Variants in RDX observed in about 807,000 individuals in gnomAD.
RDX encodes deafness, autosomal recessive 24.
RDX carries 32 observed loss-of-function variants against 83.7 expected under a neutral mutation model. That is an observed-to-expected ratio of 0.38 (90% CI 0.29 to 0.51). RDX has a LOEUF of 0.51. Ranked by LOEUF, RDX falls within the 20% of genes least tolerant of loss-of-function variation. The probability of loss-of-function intolerance (pLI) is 0.87; values close to 1 mark genes in which losing one functional copy is unlikely to be tolerated. For synonymous variants in RDX, 229 were observed against 222.7 expected, an observed-to-expected ratio of 1.03 and a Z score of -0.25; for missense variants, 600 against 689.9, an observed-to-expected ratio of 0.87 and a Z score of 1.46.
chr11:110,221,864 G>A (rs531642175), intron 14 of RDX, among the ~76,000 whole-genome samples: 1 of 151,858 alleles, frequency 6.6e-6, no homozygotes, highest in Non-Finnish European at 1.5e-5. Flanking sequence ...ACCTCAATTT[G>A]AGTCCAGGAC....
chr11:110,198,473 G>A (rs1405214906), intron 15 of RDX, among the ~76,000 whole-genome samples: 1 of 152,212 alleles, frequency 6.6e-6, no homozygotes, highest in African/African-American at 2.4e-5. Flanking sequence ...TGGCCTGTTA[G>A]GAACTGGGTG....
At chr11:110,197,222 G>A (rs993429174) in intron 15 of RDX, among the ~76,000 whole-genome samples, 4 of 150,992 alleles carry the variant, frequency 2.6e-5, no homozygotes, top group Non-Finnish European at 2.9e-5. Flanking sequence ...TAGATGTCAC[G>A]TTTAATTCCT....
At chr11:110,284,039 CA>C (rs1295060403) in intron 1 of RDX, among the ~76,000 whole-genome samples, 19 of 152,204 alleles carry the variant, frequency 1.2e-4, no homozygotes, top group Non-Finnish European at 2.5e-4. Flanking sequence ...ATTAAAACTA[CA>C]AATGTTTTAC....
intron 1 of RDX, among the ~76,000 whole-genome samples, chr11:110,285,339 C>T (rs560956472): frequency 7.2e-5 from 11 of 152,044 alleles, no homozygotes; most frequent in Non-Finnish European, 1.5e-4. Context: ...GAGCCAAGAT[C>T]GCGCCACTGC....
At chr11:110,283,110 A>T (rs1860830806) in intron 1 of RDX, among the ~76,000 whole-genome samples, 1 of 152,246 alleles carries the variant, frequency 6.6e-6, no homozygotes, top group Non-Finnish European at 1.5e-5. Context: ...TTAAAATGAA[A>T]TCTGTAAACT....
At chr11:110,249,849 G>GT (rs1391288095) in intron 9 of RDX, among the ~76,000 whole-genome samples, 1 of 152,108 alleles carries the variant, frequency 6.6e-6, no homozygotes, top group Non-Finnish European at 1.5e-5. Flanking sequence ...GCCCCAGCCT[G>GT]GCAGGCAACT....
rs373373063 is a variant in RDX at position 110,218,361 on chromosome 11, A to T, written c.1748+13512T>A. ...GTTTACATTTTAAACATCGTAATAG[A>T]TTTTTTTCCCCATGTGGCACTGGTG... On this transcript the variant is annotated intron_variant, in intron 14 of 15. Transcript: ENST00000528498. Among the ~76,000 whole-genome samples, 10 of 152,096 alleles carry T rather than the reference A, an allele frequency of 6.6e-5. 1 individual carries two copies. Among genetic ancestry groups the T allele is most frequent in the African/African-American group, 2.2e-4 (9 of 41,500 alleles).
At chr11:110,220,449 G>A (rs187270113) in intron 14 of RDX, among the ~76,000 whole-genome samples, 2 of 152,222 alleles carry the variant, frequency 1.3e-5, no homozygotes, top group Admixed American at 6.5e-5. Context: ...ATTCAAACCC[G>A]AGGTGGGAAT....
chr11:110,211,679 C>G (rs2134257132), intron 14 of RDX, among the ~76,000 whole-genome samples: 1 of 143,260 alleles, frequency 7.0e-6, no homozygotes, highest in Admixed American at 7.0e-5. Context: ...GATTAAGAAT[C>G]TCACTCAAAA....
chr11:110,283,685 C>A (rs1860857599), intron 1 of RDX, among the ~76,000 whole-genome samples: 1 of 151,704 alleles, frequency 6.6e-6, no homozygotes. Context: ...CATAGCAAGA[C>A]CCCGTCTCTA....
downstream of RDX, among the ~76,000 whole-genome samples, chr11:110,228,481 T>C (rs1397721748): frequency 6.6e-6 from 1 of 152,088 alleles, no homozygotes; most frequent in Non-Finnish European, 1.5e-5. Context: ...TCTCTTATTC[T>C]TACTAATGGT....
chr11:110,264,086 T>A lies in RDX; in HGVS notation c.341A>T (p.Glu114Val). 1 of 1,613,980 alleles carries A rather than the reference T, an allele frequency of 6.2e-7. No homozygotes were observed. The highest frequency in any genetic ancestry group is 8.5e-7 in the Non-Finnish European group (1 of 1,179,878). ...TGCAGTTTCTGGCGGGCAATATATC[T>A]CATCATTTAAGATGGCTTCTTTAAC... ...LQVKEAILND[E>V]IYCPPETAVL... Residue 114 changes from glutamate (E) to valine (V), a missense_variant, in exon 5 of 14, where the codon GAG becomes GTG. By Grantham distance (121) the Glu-to-Val change is moderately radical (BLOSUM62 -2). Transcript: ENST00000645495.
intron 10 of RDX, among the ~76,000 whole-genome samples, chr11:110,245,719 A>ATTGCT (rs1444224087): frequency 6.6e-6 from 1 of 152,172 alleles, no homozygotes; most frequent in East Asian, 1.9e-4. Flanking sequence ...TATTTAATAT[A>ATTGCT]TTGCTTTGTC....
intron 15 of RDX, among the ~76,000 whole-genome samples, chr11:110,197,910 T>C (rs1011703871): frequency 6.6e-6 from 1 of 152,204 alleles, no homozygotes; most frequent in African/African-American, 2.4e-5. Flanking sequence ...GCATTTCAAG[T>C]GGACTTTGAA....
intron 9 of RDX, among the ~76,000 whole-genome samples, chr11:110,249,049 C>T (rs564646828): frequency 1.2e-4 from 18 of 152,312 alleles, no homozygotes; most frequent in South Asian, 2.1e-4. Flanking sequence ...CAAATTCATT[C>T]ACCAAACATC....
intron 14 of RDX, among the ~76,000 whole-genome samples, chr11:110,202,111 A>G (rs2134239984): frequency 6.6e-6 from 1 of 152,052 alleles, no homozygotes. Flanking sequence ...CTATTTATCT[A>G]GTACAGGCCA....
intron 5 of RDX, among the ~76,000 whole-genome samples, chr11:110,259,238 A>AAAT (rs2134368104): frequency 6.6e-6 from 1 of 152,282 alleles, no homozygotes; most frequent in South Asian, 2.1e-4. Context: ...ACGCCCAGCC[A>AAAT]AATACAAACA....
chr11:110,270,443 C>T (rs1422488690), intron 3 of RDX, among the ~76,000 whole-genome samples: 2 of 152,046 alleles, frequency 1.3e-5, no homozygotes, highest in Non-Finnish European at 2.9e-5. Context: ...GCATAAGTGG[C>T]CCGTCACTGA....
At chr11:110,187,182 C>A (rs964649983) in intron 15 of RDX, among the ~76,000 whole-genome samples, 1 of 152,232 alleles carries the variant, frequency 6.6e-6, no homozygotes, top group Non-Finnish European at 1.5e-5. Flanking sequence ...CCAGACATAT[C>A]TCCAGGTATT....
Sources: gnomAD v4.1 joint callset for allele counts (sites outside exome capture counted in the v4.1 genomes callset) on GRCh38, gnomAD v4.1.1 for gene constraint, MANE v1.5 for transcripts, NCBI Gene and HGNC (gene_info 2026-07-23, HGNC 2026-07-21) for gene names.